Variants in ARHGEF11 observed in about 807,000 individuals in gnomAD.
The protein encoded by ARHGEF11 is Rho guanine nucleotide exchange factor 11.
ARHGEF11 carries 55 observed loss-of-function variants against 193.7 expected under a neutral mutation model. That is an observed-to-expected ratio of 0.28 (90% CI 0.23 to 0.36). The LOEUF (loss-of-function observed/expected upper bound fraction) is 0.36. Among genes scored for constraint, ARHGEF11 ranks in the 10% least tolerant of loss-of-function variants. The probability of loss-of-function intolerance (pLI) is 1.00; values close to 1 mark genes in which losing one functional copy is unlikely to be tolerated. For missense variants in ARHGEF11, 1,723 were observed against 2,005.6 expected, an observed-to-expected ratio of 0.86 and a Z score of 2.69; for synonymous variants, 693 against 768.0, an observed-to-expected ratio of 0.90 and a Z score of 1.62.
chr1:156,988,206 A>G (rs1209924662), intron 1 of ARHGEF11, among the ~76,000 whole-genome samples: 1 of 152,190 alleles, frequency 6.6e-6, no homozygotes, highest in Non-Finnish European at 1.5e-5. Context: ...AAAGCCGTAC[A>G]GACAGGCAAG....
intron 11 of ARHGEF11, among the ~76,000 whole-genome samples, chr1:156,966,594 G>A (rs1661696493): frequency 6.6e-6 from 1 of 152,208 alleles, no homozygotes; most frequent in Non-Finnish European, 1.5e-5. Flanking sequence ...AGGATTTTAA[G>A]TGAGATGATT....
chr1:156,943,185 C>T (rs1054202544), intron 32 of ARHGEF11, among the ~76,000 whole-genome samples: 17 of 152,042 alleles, frequency 1.1e-4, no homozygotes, highest in East Asian at 3.9e-4. Context: ...CTCAGCCTCC[C>T]GAGTAACTGG....
intron 1 of ARHGEF11, among the ~76,000 whole-genome samples, chr1:156,998,428 T>G (rs982335992): frequency 3.9e-5 from 6 of 152,162 alleles, no homozygotes; most frequent in African/African-American, 1.2e-4. Flanking sequence ...AAGTGTGGAG[T>G]TAGAACAGGC....
At chr1:156,984,043 G>A (rs756000021) in intron 3 of ARHGEF11, among the ~76,000 whole-genome samples, 1 of 152,218 alleles carries the variant, frequency 6.6e-6, no homozygotes, top group Non-Finnish European at 1.5e-5. Context: ...ATGGAATCTT[G>A]TGACCCAGTA....
Position 156,948,827 on chromosome 1 carries a change from C to A in ARHGEF11, c.1926-329G>T. 1 of 985,402 alleles carries A rather than the reference C, an allele frequency of 1.0e-6. No individual in the cohort carries two copies. Among genetic ancestry groups the A allele is most frequent in the Non-Finnish European group, 1.2e-6 (1 of 829,940 alleles). 61.0% of individuals were successfully genotyped at this position (985,402 alleles called of 1,614,324 possible). ...GTAGTGTGTCCAGAGGCCTGAGACA[C>A]CATGCTTCTGTCAAGAAGGTGGTAG... On this transcript the variant is annotated intron_variant, in intron 22 of 40. Coordinates refer to ENST00000368194, the MANE Select transcript of ARHGEF11 (RefSeq NM_198236.3). The surrounding 1 kb of genome is among the most constrained non-coding windows in gnomAD (Gnocchi z 4.2).
intron 1 of ARHGEF11, among the ~76,000 whole-genome samples, chr1:157,006,568 T>C (rs1009996319): frequency 7.2e-5 from 11 of 152,298 alleles, no homozygotes; most frequent in Non-Finnish European, 1.0e-4. Context: ...AAGAAGAGAA[T>C]TGCTCTCTGA....
At chr1:157,010,452 T>C (rs927511024) in intron 1 of ARHGEF11, among the ~76,000 whole-genome samples, 2 of 152,150 alleles carry the variant, frequency 1.3e-5, no homozygotes, top group African/African-American at 4.8e-5. Context: ...GACAGGGTCT[T>C]GCTCTGTCAC....
chr1:156,999,998 C>CT (rs1340121040), intron 1 of ARHGEF11, among the ~76,000 whole-genome samples: 23 of 152,256 alleles, frequency 1.5e-4, no homozygotes, highest in Admixed American at 1.2e-3. Context: ...CAGTCACACT[C>CT]TATCACACAG....
intron 1 of ARHGEF11, among the ~76,000 whole-genome samples, chr1:157,029,498 C>A (rs906642305): frequency 2.0e-5 from 3 of 152,096 alleles, no homozygotes; most frequent in African/African-American, 7.3e-5. Context: ...TCTTGAACTC[C>A]TGACCTCAGG....
At chr1:157,041,592 T>C (rs1412666219) in intron 1 of ARHGEF11, among the ~76,000 whole-genome samples, 1 of 152,242 alleles carries the variant, frequency 6.6e-6, no homozygotes, top group Non-Finnish European at 1.5e-5. Flanking sequence ...ATTGACCTTA[T>C]TTGACTACAT....
intron 1 of ARHGEF11, among the ~76,000 whole-genome samples, chr1:157,001,480 T>C (rs932519069): frequency 4.2e-4 from 64 of 152,334 alleles, no homozygotes; most frequent in Non-Finnish European, 1.0e-4. Flanking sequence ...CATTGACTAA[T>C]GGGCCTTGGA....
chr1:156,947,371 C>T lies in ARHGEF11; in HGVS notation c.2421G>A (p.Glu807=), dbSNP rs930354014. 4 of 1,613,946 alleles carry T rather than the reference C, an allele frequency of 2.5e-6. No homozygotes were observed. The highest frequency in any genetic ancestry group is 1.7e-5 in the Admixed American group (1 of 59,984). Residue 807 remains glutamate (E), a synonymous_variant, in exon 26 of 41, where the codon GAG becomes GAA. Coordinates refer to ENST00000368194, the MANE Select transcript of ARHGEF11 (RefSeq NM_198236.3). Reference sequence around the variant, plus strand: ...CCAGCTCCTCCCGGGGCATCAGGTTCTCCTTCTTCATTCGCTGGTAGAAGA... The same window carrying T: ...CCAGCTCCTCCCGGGGCATCAGGTTTTCCTTCTTCATTCGCTGGTAGAAGA... ...DLIFYQRMKK[E]NLMPREELAR... is the part of the protein sequence containing the mutation.
Position 156,969,360 on chromosome 1 carries a change from T to C in ARHGEF11, c.749-2A>G. On this transcript the variant is annotated splice_acceptor_variant, in intron 9 of 40. Coordinates refer to ENST00000368194, the MANE Select transcript of ARHGEF11 (RefSeq NM_198236.3). LOFTEE classifies it high-confidence loss of function. ...CCTGGGAATCCAGAGAGAGCCGGCCTGAGAAGAAAATAGTTTCTATAACAC... is the reference window on the plus strand; with the variant it reads ...CCTGGGAATCCAGAGAGAGCCGGCCCGAGAAGAAAATAGTTTCTATAACAC... 6.2e-7 allele frequency: 1 copy of C among 1,603,892 alleles called. No homozygotes were observed. The highest frequency in any genetic ancestry group is 8.5e-7 in the Non-Finnish European group (1 of 1,174,574).
At chr1:157,010,170 T>C (rs1571482498) in intron 1 of ARHGEF11, among the ~76,000 whole-genome samples, 1 of 152,092 alleles carries the variant, frequency 6.6e-6, no homozygotes, top group Non-Finnish European at 1.5e-5. Flanking sequence ...CCCATCTCTA[T>C]AAAAAATAAA....
chr1:157,023,651 A>G (rs1670268172), intron 1 of ARHGEF11, among the ~76,000 whole-genome samples: 1 of 152,084 alleles, frequency 6.6e-6, no homozygotes, highest in Non-Finnish European at 1.5e-5. Context: ...CTGTAATACC[A>G]GCTACTTGGG....
intron 22 of ARHGEF11, among the ~76,000 whole-genome samples, 158 bp downstream of exon 22, chr1:156,951,415 G>A (rs1400419054): frequency 6.6e-6 from 1 of 152,124 alleles, no homozygotes; most frequent in Admixed American, 6.5e-5. Context: ...GGCACACAAT[G>A]TGTCTCCTGA....
chr1:156,935,994 G>GTACGGT lies in ARHGEF11; in HGVS notation c.4689_*5dup. 6.2e-7 allele frequency: 1 copy of GTACGGT among 1,612,276 alleles called. No individual in the cohort carries two copies. ...GGGGACGCAGAGGATTTGGTGGTTT[G>GTACGGT]TACGGTTATGGTCCTGGTGACGCGG... On this transcript the variant is annotated 3_prime_UTR_variant, in exon 41 of 41. Transcript: ENST00000368194.
chr1:157,036,574 G>A (rs1250842601), intron 1 of ARHGEF11, among the ~76,000 whole-genome samples: 1 of 151,824 alleles, frequency 6.6e-6, no homozygotes, highest in African/African-American at 2.4e-5. Flanking sequence ...CACCCACCTC[G>A]GCCTCCCAAA....
intron 1 of ARHGEF11, among the ~76,000 whole-genome samples, chr1:157,023,183 A>G (rs1670202331): frequency 6.6e-6 from 1 of 152,262 alleles, no homozygotes; most frequent in Non-Finnish European, 1.5e-5. Context: ...GACACTATCA[A>G]TAAAAGTGGA....
Sources: gnomAD v4.1 joint callset for allele counts (sites outside exome capture counted in the v4.1 genomes callset) on GRCh38, gnomAD v4.1.1 for gene constraint, Gnocchi (gnomAD v3.1) non-coding constraint, MANE v1.5 for transcripts, NCBI Gene and HGNC (gene_info 2026-07-23, HGNC 2026-07-21) for gene names.